Variants in CNTNAP2 observed in about 807,000 individuals in gnomAD.
The protein encoded by CNTNAP2 is contactin associated protein 2.
Under a neutral mutation model 155.2 loss-of-function variants are expected in CNTNAP2, and 98 were observed. The observed-to-expected ratio is 0.63, with a 90% CI of 0.54 to 0.75. CNTNAP2 has a LOEUF of 0.75. Among genes scored for constraint, CNTNAP2 ranks in the 30% least tolerant of loss-of-function variants. The probability of loss-of-function intolerance (pLI) is 0.00; values close to 1 mark genes in which losing one functional copy is unlikely to be tolerated. For synonymous variants in CNTNAP2, 651 were observed against 631.2 expected (o/e 1.03, Z -0.47); for missense variants, 1,727 against 1,688.1 (o/e 1.02, Z -0.40).
intron 3 of CNTNAP2, among the ~76,000 whole-genome samples, chr7:147,013,987 T>C (rs967728252): frequency 1.3e-5 from 2 of 152,166 alleles, no homozygotes; most frequent in African/African-American, 4.8e-5. Context: ...CATTAGCTAA[T>C]TTGTCTATAT....
At chr7:146,920,797 A>T (rs1796483806) in intron 3 of CNTNAP2, among the ~76,000 whole-genome samples, 1 of 152,306 alleles carries the variant, frequency 6.6e-6, no homozygotes, top group East Asian at 1.9e-4. Flanking sequence ...GTTTAAGTGC[A>T]CGAGTTGTGA....
intron 16 of CNTNAP2, among the ~76,000 whole-genome samples, chr7:148,145,287 G>C (rs149869856): frequency 3.9e-5 from 6 of 152,276 alleles, no homozygotes; most frequent in African/African-American, 1.4e-4. Context: ...CCCTTCTCCA[G>C]AATAAAATAT....
At chr7:147,020,825 G>A (rs1162974584) in intron 3 of CNTNAP2, among the ~76,000 whole-genome samples, 2 of 152,068 alleles carry the variant, frequency 1.3e-5, no homozygotes, top group Non-Finnish European at 2.9e-5. Context: ...CATAAATCCA[G>A]GAAAACAGAG....
chr7:147,937,763 C>A (rs1800639318), intron 14 of CNTNAP2, among the ~76,000 whole-genome samples: 1 of 152,092 alleles, frequency 6.6e-6, no homozygotes, highest in African/African-American at 2.4e-5. Flanking sequence ...TTCGAAACCC[C>A]TTTGAGATAT....
rs540876467 is a variant in CNTNAP2, at chr7:147,932,159, T to TA, written c.2255+28439dup. ...CCTTGGCCTTCCAAACTGCGAAACT[T>TA]ACAGGCATGAGCCACTGTGCCCGCC... On this transcript the variant is annotated intron_variant, in intron 14 of 23. Coordinates refer to ENST00000361727, the MANE Select transcript of CNTNAP2 (RefSeq NM_014141.6). 1.6e-3 allele frequency among the ~76,000 whole-genome samples: 241 copies of TA among 152,222 alleles called. 7 individuals are homozygous for TA. In the East Asian group the frequency reaches 0.028, roughly 18 times the overall value.
chr7:146,856,759 A>G (rs1049968860), intron 3 of CNTNAP2, among the ~76,000 whole-genome samples: 1 of 152,166 alleles, frequency 6.6e-6, no homozygotes. Flanking sequence ...ATGTAAGTGG[A>G]TGTAAACATT....
Position 148,401,667 on chromosome 7 carries a change from C to T in CNTNAP2, c.3716-7724C>T, listed in dbSNP as rs1198375020. Among the ~76,000 whole-genome samples, 3 of 151,626 alleles carry T rather than the reference C, an allele frequency of 2.0e-5. No individual in the cohort carries two copies. In the East Asian group the frequency reaches 5.8e-4, roughly 29 times the overall value. The stretch of plus-strand genomic sequence containing the variant: ...AGGCTGGAGTGCAGTGGCACAATCT[C>T]GGCTCACTGCAATCTCCGCTTCCCG... On this transcript the variant is annotated intron_variant, in intron 22 of 23. Transcript: ENST00000361727.
intron 3 of CNTNAP2, among the ~76,000 whole-genome samples, chr7:146,877,291 TAA>T (rs1170867004): frequency 1.3e-5 from 2 of 151,120 alleles, no homozygotes; most frequent in Non-Finnish European, 2.9e-5. Context: ...CATTTGAGGC[TAA>T]GAGTTCGAAA....
intron 1 of CNTNAP2, among the ~76,000 whole-genome samples, chr7:146,137,548 AT>A (rs1230787492): frequency 6.6e-6 from 1 of 152,106 alleles, no homozygotes; most frequent in Non-Finnish European, 1.5e-5. Context: ...CAAACTGTGA[AT>A]TTATGTTATT....
chr7:147,305,954 A>G (rs1490954372), intron 9 of CNTNAP2, among the ~76,000 whole-genome samples: 1 of 152,138 alleles, frequency 6.6e-6, no homozygotes, highest in Non-Finnish European at 1.5e-5. Flanking sequence ...CTCTGCCTCC[A>G]TCTTCACATA....
intron 1 of CNTNAP2, among the ~76,000 whole-genome samples, chr7:146,135,588 A>G (rs1288852130): frequency 1.3e-5 from 2 of 152,128 alleles, no homozygotes; most frequent in Non-Finnish European, 2.9e-5. Context: ...AATATTATAC[A>G]TATGAGTGTG....
At chr7:146,500,995 A>T (rs907402287) in intron 1 of CNTNAP2, among the ~76,000 whole-genome samples, 7 of 151,948 alleles carry the variant, frequency 4.6e-5, no homozygotes, top group Non-Finnish European at 7.4e-5. Context: ...TTTTTTTCTT[A>T]ATTCTATTGA....
intron 21 of CNTNAP2, among the ~76,000 whole-genome samples, chr7:148,273,860 T>C (rs1373081705): frequency 6.6e-6 from 1 of 152,250 alleles, no homozygotes; most frequent in Middle Eastern, 3.4e-3. Context: ...TATTATAATC[T>C]AAATTGTGAA....
At chr7:148,283,467 AG>A (rs1221737901) in intron 21 of CNTNAP2, among the ~76,000 whole-genome samples, 1 of 152,192 alleles carries the variant, frequency 6.6e-6, no homozygotes, top group East Asian at 1.9e-4. Flanking sequence ...AAATTTATTT[AG>A]AACCTCAAAA....
intron 3 of CNTNAP2, among the ~76,000 whole-genome samples, chr7:146,985,350 CTCTG>C (rs1212492286): frequency 1.5e-5 from 2 of 132,648 alleles, no homozygotes; most frequent in Non-Finnish European, 3.1e-5. Context: ...GACAGTCTTG[CTCTG>C]TCTCCCAGGC....
At chr7:146,640,591 G>T (rs1799688228) in intron 1 of CNTNAP2, among the ~76,000 whole-genome samples, 1 of 152,202 alleles carries the variant, frequency 6.6e-6, no homozygotes, top group African/African-American at 2.4e-5. Context: ...TTTATTTGGA[G>T]ACTTCGATTT....
chr7:147,350,187 A>G (rs1212016877), intron 9 of CNTNAP2, among the ~76,000 whole-genome samples: 4 of 151,928 alleles, frequency 2.6e-5, no homozygotes, highest in South Asian at 2.1e-4. Flanking sequence ...GTAAAAGTCA[A>G]TATATTTCTA....
intron 4 of CNTNAP2, among the ~76,000 whole-genome samples, chr7:147,105,199 C>T (rs1431103925): frequency 6.6e-6 from 1 of 151,428 alleles, no homozygotes; most frequent in East Asian, 1.9e-4. Context: ...TTATCTTATT[C>T]AAAGTTAGAA....
chr7:146,739,849 T>A (rs528124199), intron 1 of CNTNAP2, among the ~76,000 whole-genome samples: 1 of 152,246 alleles, frequency 6.6e-6, no homozygotes, highest in East Asian at 1.9e-4. Flanking sequence ...TATTTACAAT[T>A]GTTATATCCT....
Sources: allele counts gnomAD v4.1 joint callset (sites outside exome capture counted in the v4.1 genomes callset), GRCh38; gene constraint gnomAD v4.1.1; transcripts MANE v1.5; gene names NCBI Gene and HGNC (gene_info 2026-07-23, HGNC 2026-07-21).